CDK14: variants seen among roughly 807,000 people sequenced by gnomAD.
CDK14 encodes the protein cyclin-dependent kinase 14.
CDK14 carries 34 observed loss-of-function variants against 60.7 expected under a neutral mutation model. The observed-to-expected ratio is 0.56, with a 90% CI of 0.43 to 0.75. The LOEUF is 0.75. CDK14 is among the 30% of genes least tolerant of loss of function. CDK14 has a pLI of 0.00. For synonymous variants in CDK14, 197 were observed against 203.7 expected (o/e 0.97, Z 0.28); for missense variants, 482 against 564.1 (o/e 0.85, Z 1.47).
intron 14 of CDK14, among the ~76,000 whole-genome samples, chr7:91,193,852 G>C (rs984503571): frequency 6.6e-6 from 1 of 152,102 alleles, no homozygotes; most frequent in African/African-American, 2.4e-5. Flanking sequence ...TATTTTGTCA[G>C]ATTCGTTACT....
intron 12 of CDK14, among the ~76,000 whole-genome samples, chr7:91,104,200 T>C (rs552515143): frequency 2.0e-5 from 3 of 152,280 alleles, no homozygotes; most frequent in South Asian, 2.1e-4. Flanking sequence ...TAGAGGCTCA[T>C]TGAGTACACC....
At chr7:90,702,431 T>C (rs1035394591) in intron 2 of CDK14, among the ~76,000 whole-genome samples, 1 of 152,118 alleles carries the variant, frequency 6.6e-6, no homozygotes, top group South Asian at 2.1e-4. Context: ...CTATGATGAA[T>C]CTTCTTTAGC....
intron 10 of CDK14, among the ~76,000 whole-genome samples, chr7:91,004,815 TC>T (rs1795936066): frequency 6.6e-6 from 1 of 152,232 alleles, no homozygotes; most frequent in Non-Finnish European, 1.5e-5. Context: ...CAGGGTTCAG[TC>T]TGGTCAAAAC....
At chr7:91,153,626 AGGAAC>A (rs753716931) in intron 14 of CDK14, among the ~76,000 whole-genome samples, 8 of 152,214 alleles carry the variant, frequency 5.3e-5, no homozygotes, top group Non-Finnish European at 1.2e-4. Context: ...AAACTAATGC[AGGAAC>A]GGAAAATCAA....
At chr7:91,172,649 C>T (rs1801560835) in intron 14 of CDK14, among the ~76,000 whole-genome samples, 1 of 152,192 alleles carries the variant, frequency 6.6e-6, no homozygotes, top group South Asian at 2.1e-4. Context: ...ATCCCTAAAA[C>T]CCACTCTGTG....
At chr7:91,185,327 C>T (rs1562986875) in intron 14 of CDK14, among the ~76,000 whole-genome samples, 1 of 56,966 alleles carries the variant, frequency 1.8e-5, no homozygotes, top group Non-Finnish European at 6.3e-5. Flanking sequence ...TCGATAGCCC[C>T]TATGCATCTC....
chr7:90,821,929 G>T (rs1277461545), intron 5 of CDK14, among the ~76,000 whole-genome samples: 1 of 152,118 alleles, frequency 6.6e-6, no homozygotes, highest in Non-Finnish European at 1.5e-5. Flanking sequence ...CTGTACCTTC[G>T]TTCAGGCCTT....
At chr7:90,607,457 T>TGCCTCTAGAGTATGTGTCAAATGTTTG (rs1799442594) in intron 2 of CDK14, among the ~76,000 whole-genome samples, 1 of 152,194 alleles carries the variant, frequency 6.6e-6, no homozygotes, top group Admixed American at 6.5e-5. Context: ...ATGTAGAGGA[T>TGCCTCTAGAGTATGTGTCAAATGTTTG]GCCTCTAGAG....
At chr7:91,010,808 CCT>C (rs1796132465) in intron 10 of CDK14, among the ~76,000 whole-genome samples, 1 of 94,490 alleles carries the variant, frequency 1.1e-5, no homozygotes, top group Non-Finnish European at 2.1e-5. Flanking sequence ...TTCTTTCCTT[CCT>C]TCCTTCCTTC....
intron 5 of CDK14, among the ~76,000 whole-genome samples, chr7:90,834,897 A>T (rs1446191180): frequency 6.6e-6 from 1 of 152,176 alleles, no homozygotes; most frequent in African/African-American, 2.4e-5. Flanking sequence ...GTGCTCAAGG[A>T]TACACTCAGG....
intron 11 of CDK14, among the ~76,000 whole-genome samples, chr7:91,069,610 G>A (rs768933393): frequency 1.3e-5 from 2 of 152,088 alleles, no homozygotes; most frequent in Non-Finnish European, 2.9e-5. Context: ...GCAGAATTAA[G>A]CCTAATAAGT....
At chr7:91,175,381 T>A (rs889303857) in intron 14 of CDK14, among the ~76,000 whole-genome samples, 2 of 150,480 alleles carry the variant, frequency 1.3e-5, no homozygotes, top group Non-Finnish European at 3.0e-5. Flanking sequence ...CCATCGAGAC[T>A]AGGAAGAAAC....
chr7:90,698,607 A>G (rs1486373370), intron 2 of CDK14, among the ~76,000 whole-genome samples: 1 of 152,168 alleles, frequency 6.6e-6, no homozygotes, highest in Non-Finnish European at 1.5e-5. Flanking sequence ...ATTTCAGAAG[A>G]CAGATTCCTG....
At chr7:90,596,777 G>T in intron 1 of CDK14, 59 bp downstream of exon 1, 2 of 1,411,488 alleles carry the variant, frequency 1.4e-6, no homozygotes, top group South Asian at 2.4e-5. Flanking sequence ...CTGCGCCCCC[G>T]CCGCGTTCCT....
rs1562855362 is a variant in CDK14 at position 90,981,802 on chromosome 7, A to AAAAACAAAAC, written c.948-2346_948-2345insAAAACAAAAC. Reference sequence around the variant, plus strand: ...GAATTTCCAGGAGGTAGAGAGTTCTAGAAACAAAACAAAACAAAACAAAAC... The same window carrying AAAAACAAAAC: ...GAATTTCCAGGAGGTAGAGAGTTCTAAAAACAAAACGAAACAAAACAAAACAAAACAAAAC... On this transcript the variant is annotated intron_variant, in intron 9 of 14. Transcript: ENST00000380050. Among the ~76,000 whole-genome samples the AAAAACAAAAC allele has an allele frequency of 6.2e-4, 6 of 9,624 alleles. No homozygotes were observed. The East Asian group carries it at 0.058, about 93-fold the overall frequency. The allele number at this position is 9,624 out of a possible 152,430, so 6.3% of individuals were successfully genotyped here.
At chr7:91,185,976 C>A (rs1802165655) in intron 14 of CDK14, among the ~76,000 whole-genome samples, 2 of 152,062 alleles carry the variant, frequency 1.3e-5, no homozygotes, top group Non-Finnish European at 2.9e-5. Flanking sequence ...CAATTTTGGA[C>A]ACTTCATATA....
At chr7:90,914,381 A>G (rs1185132842) in intron 7 of CDK14, among the ~76,000 whole-genome samples, 6 of 152,056 alleles carry the variant, frequency 3.9e-5, no homozygotes, top group Non-Finnish European at 8.8e-5. Context: ...TAAAATACAG[A>G]CCTCTAAGTC....
intron 7 of CDK14, among the ~76,000 whole-genome samples, chr7:90,901,674 G>GTGTA (rs1554370363): frequency 1.3e-5 from 2 of 148,284 alleles, no homozygotes; most frequent in Middle Eastern, 3.4e-3. Context: ...AGCTTTATAT[G>GTGTA]TATATATATA....
At chr7:90,752,648 C>A (rs1803891529) in intron 4 of CDK14, among the ~76,000 whole-genome samples, 1 of 151,938 alleles carries the variant, frequency 6.6e-6, no homozygotes, top group Non-Finnish European at 1.5e-5. Context: ...GAAGAAAAAA[C>A]ATAACTAAAA....
Sources: allele counts gnomAD v4.1 joint callset (sites outside exome capture counted in the v4.1 genomes callset), GRCh38; gene constraint gnomAD v4.1.1; transcripts MANE v1.5; gene names NCBI Gene and HGNC (gene_info 2026-07-23, HGNC 2026-07-21).